NRXN3: variants seen among roughly 807,000 people sequenced by gnomAD.
NRXN3 encodes the protein neurexin 3, also known as neurexin III.
Under a neutral mutation model 137.6 loss-of-function variants are expected in NRXN3, and 32 were observed. The ratio of observed to expected loss-of-function variants is 0.23; its 90% CI spans 0.18 to 0.31. The LOEUF (loss-of-function observed/expected upper bound fraction) is 0.31. Among genes scored for constraint, NRXN3 ranks in the 10% least tolerant of loss-of-function variants. The pLI is 1.00. For synonymous variants in NRXN3, 798 were observed against 784.5 expected (o/e 1.02, Z -0.29); for missense variants, 1,574 against 2,062.5 (o/e 0.76, Z 4.59).
Position 79,476,517 on chromosome 14 carries a change from C to T in NRXN3, c.3444+9115C>T, listed in dbSNP as rs74455514. On this transcript the variant is annotated intron_variant, in intron 16 of 20. Coordinates refer to ENST00000335750, the MANE Select transcript of NRXN3 (RefSeq NM_001330195.2). Reference sequence around the variant, plus strand: ...AAGGCTCATATTCTATTTTTGAGTCCTTAGTTAACCTCTTATAATTCAGTT... The same window carrying T: ...AAGGCTCATATTCTATTTTTGAGTCTTTAGTTAACCTCTTATAATTCAGTT... Among the ~76,000 whole-genome samples, 439 of 152,108 alleles carry T rather than the reference C, an allele frequency of 2.9e-3. 8 individuals are homozygous for T. In the East Asian group the frequency reaches 0.045, roughly 16 times the overall value.
intron 1 of NRXN3, among the ~76,000 whole-genome samples, chr14:78,191,230 A>G (rs1331380639): frequency 6.6e-6 from 1 of 152,200 alleles, no homozygotes; most frequent in African/African-American, 2.4e-5. Flanking sequence ...TACATGTTTC[A>G]GAAGCTTTAC....
chr14:79,352,163 C>T (rs926930823), intron 15 of NRXN3, among the ~76,000 whole-genome samples: 21 of 152,106 alleles, frequency 1.4e-4, no homozygotes, highest in African/African-American at 4.8e-4. Context: ...TTGTTAACAG[C>T]TCCTTCTGCA....
intron 16 of NRXN3, among the ~76,000 whole-genome samples, chr14:79,617,021 C>A (rs1240462218): frequency 1.3e-5 from 2 of 152,034 alleles, no homozygotes; most frequent in Non-Finnish European, 2.9e-5. Flanking sequence ...GATAGTCAAT[C>A]CTTGGAAGGG....
intron 14 of NRXN3, among the ~76,000 whole-genome samples, chr14:78,983,626 A>G (rs575384522): frequency 7.4e-4 from 112 of 152,224 alleles, no homozygotes; most frequent in African/African-American, 2.5e-3. Flanking sequence ...TGGGAGGCCG[A>G]GGCAGGTAGA....
chr14:78,386,055 A>G (rs1212093098), intron 4 of NRXN3, among the ~76,000 whole-genome samples: 1 of 3,132 alleles, frequency 3.2e-4, no homozygotes, highest in Non-Finnish European at 0.011. Context: ...TGGCAAAACA[A>G]AAGAGCAAAA....
chr14:79,489,684 G>A (rs1247139394), intron 16 of NRXN3, among the ~76,000 whole-genome samples: 3 of 152,080 alleles, frequency 2.0e-5, no homozygotes, highest in Non-Finnish European at 4.4e-5. Flanking sequence ...GAGTATAGGC[G>A]ATAATTAACC....
chr14:79,284,680 G>A (rs1180444428), intron 15 of NRXN3, among the ~76,000 whole-genome samples: 1 of 152,102 alleles, frequency 6.6e-6, no homozygotes, highest in Non-Finnish European at 1.5e-5. Flanking sequence ...CTTAGCAGAA[G>A]TGGTGGTGAT....
chr14:79,608,100 G>T (rs2098046649), intron 16 of NRXN3, among the ~76,000 whole-genome samples: 1 of 152,120 alleles, frequency 6.6e-6, no homozygotes, highest in South Asian at 2.1e-4. Flanking sequence ...TATCCCTGGG[G>T]TTTTTGAGCT....
chr14:78,238,158 C>T (rs2066582725), intron 1 of NRXN3, among the ~76,000 whole-genome samples: 1 of 151,142 alleles, frequency 6.6e-6, no homozygotes, highest in African/African-American at 2.4e-5. Context: ...ACCACACCAC[C>T]CTGCCCCCTC....
intron 19 of NRXN3, among the ~76,000 whole-genome samples, chr14:79,730,209 G>A (rs569280094): frequency 6.6e-6 from 1 of 152,192 alleles, no homozygotes; most frequent in South Asian, 2.1e-4. Flanking sequence ...CTAGGCCACA[G>A]CATCCCACTT....
chr14:78,306,076 G>C (rs2077343544), intron 4 of NRXN3, among the ~76,000 whole-genome samples: 1 of 151,980 alleles, frequency 6.6e-6, no homozygotes, highest in African/African-American at 2.4e-5. Flanking sequence ...ATGTTTCTTG[G>C]AGCATTCAAA....
chr14:79,811,574 CTTTT>C (rs1416276242), intron 20 of NRXN3, among the ~76,000 whole-genome samples: 1 of 129,450 alleles, frequency 7.7e-6, no homozygotes, highest in Non-Finnish European at 1.6e-5. Flanking sequence ...TTTCTTTTTT[CTTTT>C]TTCTTTTTTT....
chr14:79,069,273 A>G (rs900136567), intron 15 of NRXN3, among the ~76,000 whole-genome samples: 3 of 152,084 alleles, frequency 2.0e-5, no homozygotes, highest in Non-Finnish European at 4.4e-5. Context: ...TTCTTTGTCA[A>G]TCTCTGTAGC....
chr14:79,707,892 C>T lies in NRXN3; in HGVS notation c.4014+9955C>T, dbSNP rs1861957. On this transcript the variant is annotated intron_variant, in intron 19 of 20. Coordinates refer to ENST00000335750, the MANE Select transcript of NRXN3 (RefSeq NM_001330195.2). Reference sequence around the variant, plus strand: ...ATTGAGAAGGAGAGAAAGACAGCAGCGATGCTCTGTAATTATTGCTATAAG... The same window carrying T: ...ATTGAGAAGGAGAGAAAGACAGCAGTGATGCTCTGTAATTATTGCTATAAG... Among the ~76,000 whole-genome samples, 8 of 152,024 alleles carry T rather than the reference C, an allele frequency of 5.3e-5. No individual in the cohort carries two copies. In the East Asian group the frequency reaches 1.5e-3, roughly 29 times the overall value.
chr14:79,805,291 AGT>A (rs2099199835), intron 20 of NRXN3, 101 bp downstream of exon 20: 4 of 748,542 alleles, frequency 5.3e-6, no homozygotes, highest in East Asian at 2.7e-5. Flanking sequence ...TATAGATTAT[AGT>A]GTGTTAATGT....
chr14:79,761,374 G>C (rs2099037872), intron 19 of NRXN3, among the ~76,000 whole-genome samples: 1 of 151,592 alleles, frequency 6.6e-6, no homozygotes, highest in Non-Finnish European at 1.5e-5. Flanking sequence ...ATAGAGAAGA[G>C]AACTGCATTC....
chr14:78,644,897 G>A (rs1335233863), intron 4 of NRXN3, among the ~76,000 whole-genome samples: 1 of 152,174 alleles, frequency 6.6e-6, no homozygotes. Flanking sequence ...ATCTTGTTTT[G>A]TCTTCTACCC....
chr14:78,402,637 A>G (rs1192735835), intron 4 of NRXN3, among the ~76,000 whole-genome samples: 1 of 152,180 alleles, frequency 6.6e-6, no homozygotes, highest in African/African-American at 2.4e-5. Flanking sequence ...TTAGTGTAGT[A>G]GAGCTGAGCA....
intron 16 of NRXN3, among the ~76,000 whole-genome samples, chr14:79,472,098 T>G (rs2096517377): frequency 6.6e-6 from 1 of 152,106 alleles, no homozygotes; most frequent in Admixed American, 6.6e-5. Context: ...CAGTATTTGG[T>G]TTTCTGTTCC....
Sources: allele counts gnomAD v4.1 joint callset (sites outside exome capture counted in the v4.1 genomes callset), GRCh38; gene constraint gnomAD v4.1.1; transcripts MANE v1.5; gene names NCBI Gene and HGNC (gene_info 2026-07-23, HGNC 2026-07-21).